The following ASTN2 variants were observed in gnomAD, a reference collection of about 807,000 sequenced individuals.
ASTN2 encodes the protein astrotactin 2, also known as astrotactin-2.
In ASTN2, 54 loss-of-function variants were observed where a neutral mutation model predicts 139.8. The ratio of observed to expected loss-of-function variants is 0.39; its 90% confidence interval spans 0.31 to 0.48. The LOEUF (loss-of-function observed/expected upper bound fraction) is 0.48. Among genes scored for constraint, ASTN2 ranks in the 20% least tolerant of loss-of-function variants. ASTN2 has a pLI of 0.95. For synonymous variants in ASTN2, 756 were observed against 719.5 expected (o/e 1.05, Z -0.81); for missense variants, 1,565 against 1,725.1 (o/e 0.91, Z 1.64).
At chr9:117,237,574 G>C (rs1244480493) in intron 2 of ASTN2, among the ~76,000 whole-genome samples, 1 of 152,268 alleles carries the variant, frequency 6.6e-6, no homozygotes, top group East Asian at 1.9e-4. Context: ...CCACCTCCCA[G>C]GTTCAAGCAA....
intron 20 of ASTN2, among the ~76,000 whole-genome samples, chr9:116,480,538 T>C (rs1849133668): frequency 1.3e-5 from 2 of 152,192 alleles, no homozygotes; most frequent in African/African-American, 4.8e-5. Context: ...TGGTCCAATG[T>C]CCTTCTAGTG....
chr9:116,502,088 T>C (rs1003269294), intron 19 of ASTN2, among the ~76,000 whole-genome samples: 1 of 151,806 alleles, frequency 6.6e-6, no homozygotes, highest in Non-Finnish European at 1.5e-5. Context: ...CTGAGGTGAA[T>C]CATTGAGAAG....
chr9:116,854,531 G>A (rs1223684010), intron 11 of ASTN2, among the ~76,000 whole-genome samples: 1 of 152,180 alleles, frequency 6.6e-6, no homozygotes, highest in East Asian at 1.9e-4. Context: ...CCCAAAAGTA[G>A]GGGATGGTAG....
At chr9:116,968,480 G>T (rs896768470) in intron 10 of ASTN2, among the ~76,000 whole-genome samples, 7 of 152,152 alleles carry the variant, frequency 4.6e-5, no homozygotes, top group African/African-American at 1.4e-4. Context: ...AGCCCAGGTG[G>T]TTAACAGCTG....
At chr9:117,377,895 T>G (rs1282495920) in intron 1 of ASTN2, among the ~76,000 whole-genome samples, 6 of 152,116 alleles carry the variant, frequency 3.9e-5, no homozygotes, top group African/African-American at 1.2e-4. Context: ...AAATGACAGA[T>G]GCATATTTGG....
At chr9:116,501,967 C>T (rs939488561) in intron 19 of ASTN2, among the ~76,000 whole-genome samples, 8 of 151,926 alleles carry the variant, frequency 5.3e-5, no homozygotes, top group Admixed American at 2.0e-4. Flanking sequence ...AAAGCATATC[C>T]CCCTCCCCAC....
chr9:116,804,966 C>T (rs1830991334), intron 13 of ASTN2, among the ~76,000 whole-genome samples: 1 of 151,934 alleles, frequency 6.6e-6, no homozygotes, highest in Non-Finnish European at 1.5e-5. Flanking sequence ...AGTTTCTCTT[C>T]TTTAGGCAGA....
intron 10 of ASTN2, among the ~76,000 whole-genome samples, chr9:116,912,408 C>T (rs1048432427): frequency 4.6e-5 from 7 of 152,208 alleles, no homozygotes; most frequent in Non-Finnish European, 8.8e-5. Flanking sequence ...ACACAAGGTC[C>T]GCCTTCTTCA....
At chr9:116,438,927 C>A (rs996933942) in intron 22 of ASTN2, among the ~76,000 whole-genome samples, 9 of 152,028 alleles carry the variant, frequency 5.9e-5, no homozygotes, top group African/African-American at 2.2e-4. Flanking sequence ...TCCAGCCTGG[C>A]CAATAACAGC....
intron 19 of ASTN2, among the ~76,000 whole-genome samples, chr9:116,518,390 T>A (rs938644472): frequency 2.0e-5 from 3 of 152,162 alleles, no homozygotes; most frequent in Non-Finnish European, 4.4e-5. Flanking sequence ...AGCCAGGAAT[T>A]GTGTATCCAG....
chr9:116,921,008 A>T (rs11793273), intron 10 of ASTN2, among the ~76,000 whole-genome samples: 2,029 of 152,258 alleles, frequency 0.013, 25 homozygotes, highest in Non-Finnish European at 0.019. Context: ...GAACTAGCTC[A>T]CCGTTCTACA....
intron 7 of ASTN2, among the ~76,000 whole-genome samples, chr9:117,002,746 C>T (rs1180100987): frequency 6.6e-6 from 1 of 152,098 alleles, no homozygotes; most frequent in Non-Finnish European, 1.5e-5. Flanking sequence ...TTAAAGATAG[C>T]AAGAAAAGTG....
At chr9:117,291,598 G>A in intron 1 of ASTN2, 85 bp from the exon 2 acceptor site, 1 of 1,279,066 alleles carries the variant, frequency 7.8e-7, no homozygotes, top group African/African-American at 1.5e-5. Context: ...ATAATCAGGA[G>A]CTCAGAAGGC....
chr9:116,681,058 C>A (rs1161563453), intron 16 of ASTN2, among the ~76,000 whole-genome samples: 1 of 152,114 alleles, frequency 6.6e-6, no homozygotes, highest in Admixed American at 6.5e-5. Flanking sequence ...AAAGGGTATT[C>A]AATTAGGAAA....
At chr9:116,839,841 TTTTA>T (rs1832141020) in intron 11 of ASTN2, among the ~76,000 whole-genome samples, 3 of 114,510 alleles carry the variant, frequency 2.6e-5, no homozygotes, top group Non-Finnish European at 5.0e-5. Context: ...CAGCTGATTT[TTTTA>T]TTTTATTTTA....
intron 16 of ASTN2, among the ~76,000 whole-genome samples, chr9:116,655,943 G>T (rs557212652): frequency 6.6e-6 from 1 of 152,084 alleles, no homozygotes; most frequent in Non-Finnish European, 1.5e-5. Context: ...GCCCAGGCTA[G>T]TCTTGAACTC....
At chr9:117,149,968 A>G (rs553822640) in intron 3 of ASTN2, among the ~76,000 whole-genome samples, 1 of 152,326 alleles carries the variant, frequency 6.6e-6, no homozygotes, top group East Asian at 1.9e-4. Flanking sequence ...AACAAAAAGG[A>G]GCAAATATAA....
At chr9:117,176,085 A>T (rs1335435981) in intron 3 of ASTN2, among the ~76,000 whole-genome samples, 1 of 152,000 alleles carries the variant, frequency 6.6e-6, no homozygotes, top group Non-Finnish European at 1.5e-5. Flanking sequence ...TTGAAAAAGA[A>T]AGAAAATTTA....
chr9:116,871,345 C>T (rs1309998062), intron 10 of ASTN2, among the ~76,000 whole-genome samples: 1 of 152,198 alleles, frequency 6.6e-6, no homozygotes, highest in Non-Finnish European at 1.5e-5. Flanking sequence ...ATATAATTCA[C>T]ATACCATATG....
Sources: gnomAD v4.1 joint callset for allele counts (sites outside exome capture counted in the v4.1 genomes callset) on GRCh38, gnomAD v4.1.1 for gene constraint, MANE v1.5 for transcripts, NCBI Gene and HGNC (gene_info 2026-07-23, HGNC 2026-07-21) for gene names.